DRC8: variants seen among roughly 807,000 people sequenced by gnomAD.
DRC8 encodes the protein dynein regulatory complex subunit 8, also known as dynein regulatory complex protein 8.
At chr1:244,986,841 C>T in the DRC8 span, among the ~76,000 whole-genome samples, 24 of 151,648 alleles carry the variant, frequency 1.6e-4, no homozygotes, top group South Asian at 2.3e-3. Context: ...TAGACAGCAG[C>T]GGAGGAAATG....
the DRC8 span, among the ~76,000 whole-genome samples, chr1:245,054,564 G>A: frequency 1.3e-5 from 2 of 151,880 alleles, no homozygotes; most frequent in African/African-American, 2.4e-5. Flanking sequence ...TCCACGCCCC[G>A]GCCCTCTCCT....
the DRC8 span, among the ~76,000 whole-genome samples, chr1:245,099,705 C>CGATGT: frequency 2.0e-5 from 3 of 152,152 alleles, no homozygotes; most frequent in African/African-American, 7.2e-5. Flanking sequence ...GGTGAGAAGA[C>CGATGT]GATGTGAGGA....
At chr1:245,064,603 C>T in the DRC8 span, among the ~76,000 whole-genome samples, 4 of 149,926 alleles carry the variant, frequency 2.7e-5, no homozygotes, top group Middle Eastern at 3.9e-3. Flanking sequence ...GAAAGAGTGC[C>T]TTGGGGGTAA....
chr1:244,997,213 A>G, the DRC8 span, among the ~76,000 whole-genome samples: 9 of 152,016 alleles, frequency 5.9e-5, 1 homozygote, highest in African/African-American at 2.2e-4. Flanking sequence ...AACCTATCCT[A>G]TCTCGTTCTT....
the DRC8 span, among the ~76,000 whole-genome samples, chr1:245,119,637 TA>T: frequency 7.8e-4 from 105 of 134,648 alleles, no homozygotes; most frequent in Admixed American, 1.1e-3. Context: ...AGACCCTGTC[TA>T]AAAAAAAAAA....
the DRC8 span, among the ~76,000 whole-genome samples, chr1:245,027,697 G>C: frequency 1.3e-5 from 2 of 151,930 alleles, no homozygotes; most frequent in Non-Finnish European, 2.9e-5. Context: ...ATTTATCTTA[G>C]GTATATTTTT....
the DRC8 span, among the ~76,000 whole-genome samples, chr1:245,106,159 C>G: frequency 6.6e-6 from 1 of 152,172 alleles, no homozygotes; most frequent in Admixed American, 6.5e-5. Context: ...GACGTATAAG[C>G]CTCCCTTTGG....
At chr1:245,042,138 G>A in the DRC8 span, among the ~76,000 whole-genome samples, 1 of 152,192 alleles carries the variant, frequency 6.6e-6, no homozygotes, top group African/African-American at 2.4e-5. Flanking sequence ...CAGGGATTTT[G>A]TCTAATTCAT....
the DRC8 span, among the ~76,000 whole-genome samples, chr1:245,060,784 C>T: frequency 1.3e-5 from 2 of 152,262 alleles, no homozygotes; most frequent in South Asian, 4.1e-4. Context: ...AAAGGAGGAT[C>T]TCTAGAGTCT....
At chr1:245,042,047 T>C in the DRC8 span, among the ~76,000 whole-genome samples, 6 of 152,234 alleles carry the variant, frequency 3.9e-5, no homozygotes, top group African/African-American at 1.4e-4. Context: ...GATCTCTTCA[T>C]TGTATTTATC....
the DRC8 span, among the ~76,000 whole-genome samples, chr1:245,077,711 A>C: frequency 6.6e-6 from 1 of 152,216 alleles, no homozygotes; most frequent in African/African-American, 2.4e-5. Context: ...CACACCATAC[A>C]CAGAAATCAA....
the DRC8 span, among the ~76,000 whole-genome samples, chr1:245,077,730 G>T: frequency 1.3e-3 from 199 of 152,150 alleles, 1 homozygote; most frequent in South Asian, 5.2e-3. Context: ...AACTCAAGCT[G>T]GATTAAAGAT....
chr1:245,087,322 A>G, the DRC8 span: 56 of 1,610,898 alleles, frequency 3.5e-5, no homozygotes, highest in Non-Finnish European at 4.6e-5. Context: ...AATTAATTAC[A>G]AGGACTATAT....
At chr1:244,986,678 G>A in the DRC8 span, among the ~76,000 whole-genome samples, 2 of 150,740 alleles carry the variant, frequency 1.3e-5, no homozygotes, top group African/African-American at 2.4e-5. Flanking sequence ...AGGATGCAGT[G>A]AGCTATGATC....
chr1:245,118,997 G>A, the DRC8 span, among the ~76,000 whole-genome samples: 1 of 152,158 alleles, frequency 6.6e-6, no homozygotes, highest in African/African-American at 2.4e-5. Context: ...AAGGCTGTAG[G>A]GAATTGGGCA....
At chr1:245,044,833 G>A in the DRC8 span, among the ~76,000 whole-genome samples, 2 of 151,914 alleles carry the variant, frequency 1.3e-5, no homozygotes, top group East Asian at 3.8e-4. Flanking sequence ...ACCTACCTCG[G>A]TACCCCCTCC....
chr1:244,991,046 G>A, the DRC8 span, among the ~76,000 whole-genome samples: 1 of 152,112 alleles, frequency 6.6e-6, no homozygotes, highest in Non-Finnish European at 1.5e-5. Flanking sequence ...AGGAAAGTAG[G>A]CTAACTGCTG....
At chr1:244,988,033 GT>G in the DRC8 span, among the ~76,000 whole-genome samples, 1 of 151,762 alleles carries the variant, frequency 6.6e-6, no homozygotes, top group South Asian at 2.1e-4. Context: ...TTTTTTTGTT[GT>G]TTTTCTCCTA....
chr1:244,999,333 C>G, the DRC8 span, among the ~76,000 whole-genome samples: 3 of 152,056 alleles, frequency 2.0e-5, no homozygotes, highest in African/African-American at 7.2e-5. Context: ...AATCCCTTCA[C>G]TTGTTGCCTC....
Sources: allele counts gnomAD v4.1 joint callset (sites outside exome capture counted in the v4.1 genomes callset), GRCh38; gene constraint gnomAD v4.1.1; transcripts MANE v1.5; gene names NCBI Gene and HGNC (gene_info 2026-07-23, HGNC 2026-07-21).